The following CCSER1 variants were observed in gnomAD, a reference collection of about 807,000 sequenced individuals.
CCSER1 encodes coiled-coil serine rich protein 1, also known as serine-rich coiled-coil domain-containing protein 1.
CCSER1 carries 41 observed loss-of-function variants against 82.0 expected under a neutral mutation model. That is an observed-to-expected ratio of 0.50 (90% CI 0.39 to 0.65). The LOEUF (loss-of-function observed/expected upper bound fraction) is 0.65. CCSER1 is among the 30% of genes least tolerant of loss of function. CCSER1 has a pLI of 0.00. For missense variants in CCSER1, 1,119 were observed against 1,064.2 expected (o/e 1.05, Z -0.72); for synonymous variants, 414 against 383.9 (o/e 1.08, Z -0.92).
Position 90,307,868 on chromosome 4 carries a change from G to A in CCSER1, c.-41-376G>A, listed in dbSNP as rs992029845. Among the ~76,000 whole-genome samples the A allele has an allele frequency of 5.9e-5, 9 of 152,200 alleles. No individual in the cohort carries two copies. In the South Asian group the frequency reaches 1.0e-3, roughly 18 times the overall value. On this transcript the variant is annotated intron_variant, in intron 1 of 10. Transcript: ENST00000509176. ...AGACAGAAATTTTTATGTCTGTCAC[G>A]TGCCTACTGCATCTAAATAAATAAA...
chr4:90,342,827 A>G (rs1741647901), intron 3 of CCSER1, among the ~76,000 whole-genome samples: 1 of 151,796 alleles, frequency 6.6e-6, no homozygotes, highest in South Asian at 2.1e-4. Flanking sequence ...CTTCTCTGTC[A>G]TGTTATATTG....
At chr4:90,744,400 A>G (rs1012431445) in intron 7 of CCSER1, among the ~76,000 whole-genome samples, 3 of 152,188 alleles carry the variant, frequency 2.0e-5, no homozygotes, top group Non-Finnish European at 2.9e-5. Context: ...ATTCCACAGA[A>G]TGAGTTTTGG....
intron 5 of CCSER1, among the ~76,000 whole-genome samples, chr4:90,608,067 G>A (rs1340640200): frequency 6.6e-6 from 1 of 152,046 alleles, no homozygotes; most frequent in Non-Finnish European, 1.5e-5. Context: ...TTTTTACATT[G>A]CTTTCTGAAA....
chr4:90,769,788 C>G (rs1751801272), intron 7 of CCSER1, among the ~76,000 whole-genome samples: 1 of 152,114 alleles, frequency 6.6e-6, no homozygotes, highest in Admixed American at 6.5e-5. Context: ...ACAGTAGTAT[C>G]AAACTTTTGA....
intron 10 of CCSER1, among the ~76,000 whole-genome samples, chr4:91,424,067 A>ACTG (rs1157043533): frequency 8.3e-6 from 1 of 120,520 alleles, no homozygotes; most frequent in African/African-American, 3.2e-5. Context: ...CGGACTGCGG[A>ACTG]CTGCAGTGGC....
At chr4:91,086,053 G>A in intron 10 of CCSER1, 59 bp downstream of exon 10, 2 of 960,814 alleles carry the variant, frequency 2.1e-6, no homozygotes, top group Non-Finnish European at 1.6e-6. Flanking sequence ...TGGTGTTGCA[G>A]TGATGTGGTG....
At chr4:90,762,445 GTT>G (rs1750550697) in intron 7 of CCSER1, among the ~76,000 whole-genome samples, 1 of 152,124 alleles carries the variant, frequency 6.6e-6, no homozygotes, top group Non-Finnish European at 1.5e-5. Context: ...ACAAACTTAA[GTT>G]ATATGTGTTA....
At chr4:90,223,309 G>T (rs1242821054) in intron 1 of CCSER1, among the ~76,000 whole-genome samples, 1 of 152,136 alleles carries the variant, frequency 6.6e-6, no homozygotes, top group Non-Finnish European at 1.5e-5. Flanking sequence ...TGTGATAAAA[G>T]ATAATATTGA....
intron 1 of CCSER1, among the ~76,000 whole-genome samples, chr4:90,165,154 T>C (rs921233525): frequency 1.3e-5 from 2 of 152,092 alleles, no homozygotes; most frequent in Non-Finnish European, 2.9e-5. Flanking sequence ...GCTTCATTAG[T>C]TGATAGAAGC....
At chr4:90,618,837 C>T (rs9307089) in intron 5 of CCSER1, among the ~76,000 whole-genome samples, 45,889 of 151,396 alleles carry the variant, frequency 0.3, 7,278 homozygotes, top group African/African-American at 0.38. Context: ...GAGTTTGTGA[C>T]TTAAAAAAAG....
At chr4:90,389,234 A>C (rs1578228020) in intron 3 of CCSER1, among the ~76,000 whole-genome samples, 1 of 152,298 alleles carries the variant, frequency 6.6e-6, no homozygotes, top group African/African-American at 2.4e-5. Flanking sequence ...AATTATACAC[A>C]CTGACAGTTG....
intron 8 of CCSER1, among the ~76,000 whole-genome samples, chr4:90,905,848 C>A (rs1026054114): frequency 6.6e-6 from 1 of 152,062 alleles, no homozygotes; most frequent in Non-Finnish European, 1.5e-5. Flanking sequence ...TCACTGTGAA[C>A]ATTTAGCCAA....
At chr4:90,768,326 G>A (rs1038579039) in intron 7 of CCSER1, among the ~76,000 whole-genome samples, 1 of 152,188 alleles carries the variant, frequency 6.6e-6, no homozygotes, top group African/African-American at 2.4e-5. Flanking sequence ...CTAGCCAGGA[G>A]TTAGAATCCA....
At chr4:90,346,941 T>C (rs1433939702) in intron 3 of CCSER1, among the ~76,000 whole-genome samples, 1 of 152,128 alleles carries the variant, frequency 6.6e-6, no homozygotes, top group Non-Finnish European at 1.5e-5. Flanking sequence ...GTGGAAGAAA[T>C]AGTAAACTTC....
intron 5 of CCSER1, among the ~76,000 whole-genome samples, chr4:90,531,760 T>C (rs1774559652): frequency 6.6e-6 from 1 of 152,310 alleles, no homozygotes; most frequent in East Asian, 1.9e-4. Flanking sequence ...CTGACATACA[T>C]ACACGCATGC....
At chr4:91,130,221 G>A (rs1001257288) in intron 10 of CCSER1, among the ~76,000 whole-genome samples, 1 of 151,730 alleles carries the variant, frequency 6.6e-6, no homozygotes, top group Non-Finnish European at 1.5e-5. Flanking sequence ...ATTTAAAAAA[G>A]TAAACTCTAA....
chr4:90,664,694 A>C (rs1731403683), intron 6 of CCSER1, among the ~76,000 whole-genome samples: 1 of 152,174 alleles, frequency 6.6e-6, no homozygotes, highest in Admixed American at 6.5e-5. Flanking sequence ...TGAGGTCAGG[A>C]GTTCCAGACC....
chr4:90,989,892 G>A (rs957705927), intron 9 of CCSER1, among the ~76,000 whole-genome samples: 2 of 151,666 alleles, frequency 1.3e-5, no homozygotes, highest in Admixed American at 1.3e-4. Flanking sequence ...GAGCAGGGAC[G>A]ATCCGGAAAT....
chr4:90,506,148 A>C (rs575517011), intron 5 of CCSER1, among the ~76,000 whole-genome samples: 19 of 152,202 alleles, frequency 1.2e-4, no homozygotes, highest in Non-Finnish European at 2.4e-4. Flanking sequence ...GCAGAGTTTT[A>C]AATATTCTAG....
Sources: allele counts gnomAD v4.1 joint callset (sites outside exome capture counted in the v4.1 genomes callset), GRCh38; gene constraint gnomAD v4.1.1; transcripts MANE v1.5; gene names NCBI Gene and HGNC (gene_info 2026-07-23, HGNC 2026-07-21).